MAGI2: variants seen among roughly 807,000 people sequenced by gnomAD.
MAGI2 encodes the protein membrane-associated guanylate kinase, WW and PDZ domain-containing protein 2.
Under a neutral mutation model 133.3 loss-of-function variants are expected in MAGI2, and 35 were observed. That is an observed-to-expected ratio of 0.26 (90% CI 0.20 to 0.35). The LOEUF is 0.35. Among genes scored for constraint, MAGI2 ranks in the 10% least tolerant of loss-of-function variants. MAGI2 has a pLI of 1.00. For missense variants in MAGI2, 1,636 were observed against 1,863.4 expected (o/e 0.88, Z 2.25); for synonymous variants, 729 against 710.6 (o/e 1.03, Z -0.41).
At chr7:79,337,405 T>C (rs1290441501) in intron 1 of MAGI2, among the ~76,000 whole-genome samples, 1 of 152,176 alleles carries the variant, frequency 6.6e-6, no homozygotes, top group Admixed American at 6.6e-5. Flanking sequence ...CCAAATTAAA[T>C]ATTGTGTGCA....
intron 3 of MAGI2, among the ~76,000 whole-genome samples, chr7:78,613,617 C>T (rs1806718556): frequency 6.6e-6 from 1 of 151,966 alleles, no homozygotes; most frequent in African/African-American, 2.4e-5. Context: ...AAACAAAACA[C>T]GTGAAAGCCT....
chr7:78,403,171 C>T (rs1213415165), intron 6 of MAGI2, among the ~76,000 whole-genome samples: 4 of 151,834 alleles, frequency 2.6e-5, no homozygotes, highest in Non-Finnish European at 5.9e-5. Context: ...CCATGACAGG[C>T]CCCAGTGTGT....
At chr7:79,442,532 T>C (rs1156556382) in intron 1 of MAGI2, among the ~76,000 whole-genome samples, 1 of 151,592 alleles carries the variant, frequency 6.6e-6, no homozygotes, top group Non-Finnish European at 1.5e-5. Context: ...TTCACTAGGG[T>C]GACTCCCACG....
intron 1 of MAGI2, among the ~76,000 whole-genome samples, chr7:79,165,198 C>A (rs1267896742): frequency 6.7e-6 from 1 of 148,858 alleles, no homozygotes; most frequent in African/African-American, 2.5e-5. Context: ...TTTTAATTCT[C>A]AGTGCATTTA....
At chr7:79,077,607 A>G (rs1442316775) in intron 1 of MAGI2, among the ~76,000 whole-genome samples, 1 of 144,440 alleles carries the variant, frequency 6.9e-6, no homozygotes, top group African/African-American at 2.6e-5. Context: ...AAATAAATAA[A>G]TAAATTCCCT....
chr7:78,828,811 T>C (rs1470450889), intron 2 of MAGI2, among the ~76,000 whole-genome samples: 1 of 152,166 alleles, frequency 6.6e-6, no homozygotes, highest in Admixed American at 6.5e-5. Flanking sequence ...AAAAGATTTA[T>C]TTTTTAAAAA....
chr7:79,002,125 C>G (rs561586489), intron 2 of MAGI2, among the ~76,000 whole-genome samples: 5 of 130,904 alleles, frequency 3.8e-5, no homozygotes, highest in African/African-American at 8.5e-5. Context: ...GCTTCTTCTT[C>G]TTCTTCTTCT....
At chr7:78,418,528 A>G (rs2151394228) in intron 6 of MAGI2, among the ~76,000 whole-genome samples, 1 of 152,290 alleles carries the variant, frequency 6.6e-6, no homozygotes, top group South Asian at 2.1e-4. Flanking sequence ...AGTAGCTGCT[A>G]GCACATGTGG....
intron 2 of MAGI2, among the ~76,000 whole-genome samples, chr7:78,855,715 A>G (rs536084592): frequency 1.3e-5 from 2 of 152,194 alleles, no homozygotes; most frequent in African/African-American, 4.8e-5. Context: ...CAATAAACAT[A>G]CATGTGCATG....
At chr7:78,510,337 C>A (rs1795461180) in intron 4 of MAGI2, among the ~76,000 whole-genome samples, 1 of 152,176 alleles carries the variant, frequency 6.6e-6, no homozygotes, top group Admixed American at 6.5e-5. Context: ...AATGAAGTTA[C>A]CTACCTATAA....
At chr7:79,062,447 C>T (rs188883422) in intron 1 of MAGI2, among the ~76,000 whole-genome samples, 6 of 152,206 alleles carry the variant, frequency 3.9e-5, no homozygotes, top group South Asian at 2.1e-4. Flanking sequence ...TTTGAAGCTC[C>T]GTCTGGCTCC....
intron 1 of MAGI2, among the ~76,000 whole-genome samples, chr7:79,168,169 G>T (rs1430314766): frequency 6.6e-6 from 1 of 151,962 alleles, no homozygotes; most frequent in Admixed American, 6.6e-5. Flanking sequence ...AGCTCTGAAG[G>T]CTGTGAGACC....
intron 2 of MAGI2, among the ~76,000 whole-genome samples, chr7:78,956,809 A>T (rs1584498351): frequency 2.0e-5 from 3 of 152,234 alleles, no homozygotes; most frequent in Non-Finnish European, 4.4e-5. Flanking sequence ...GAAACTAAAA[A>T]GTGATCTGAG....
At chr7:78,054,207 G>A (rs899339562) in intron 21 of MAGI2, among the ~76,000 whole-genome samples, 1 of 151,544 alleles carries the variant, frequency 6.6e-6, no homozygotes, top group Non-Finnish European at 1.5e-5. Context: ...CTCACTGCAA[G>A]CTCTGCCTCC....
chr7:79,382,535 G>A (rs1843864795), intron 1 of MAGI2, among the ~76,000 whole-genome samples: 1 of 151,414 alleles, frequency 6.6e-6, no homozygotes, highest in Non-Finnish European at 1.5e-5. Context: ...TACCCACTGG[G>A]TAATCTGGAG....
intron 6 of MAGI2, among the ~76,000 whole-genome samples, chr7:78,412,328 C>T (rs1288166215): frequency 1.3e-5 from 2 of 151,998 alleles, no homozygotes; most frequent in African/African-American, 4.8e-5. Flanking sequence ...AAGCAGTAGA[C>T]AGACAGGCAA....
chr7:79,239,330 A>T (rs1003001163), intron 1 of MAGI2, among the ~76,000 whole-genome samples: 1 of 151,978 alleles, frequency 6.6e-6, no homozygotes, highest in African/African-American at 2.4e-5. Context: ...TGTTTCTAAG[A>T]CTCGACCTCA....
intron 1 of MAGI2, among the ~76,000 whole-genome samples, chr7:79,205,363 G>A (rs1250269664): frequency 6.6e-6 from 1 of 151,906 alleles, no homozygotes; most frequent in Admixed American, 6.6e-5. Context: ...TGAAAAATCT[G>A]TCAAGTAAAA....
chr7:78,983,708 C>A (rs1370936494), intron 2 of MAGI2, among the ~76,000 whole-genome samples: 2 of 151,902 alleles, frequency 1.3e-5, no homozygotes, highest in Non-Finnish European at 1.5e-5. Flanking sequence ...ATATTTGTCA[C>A]TGATTATTAT....
Sources: gnomAD v4.1 joint callset for allele counts (sites outside exome capture counted in the v4.1 genomes callset) on GRCh38, gnomAD v4.1.1 for gene constraint, MANE v1.5 for transcripts, NCBI Gene and HGNC (gene_info 2026-07-23, HGNC 2026-07-21) for gene names.